PTPRA: variants seen among roughly 807,000 people sequenced by gnomAD.
PTPRA encodes protein tyrosine phosphatase receptor type A.
PTPRA carries 25 observed loss-of-function variants against 104.8 expected under a neutral mutation model. The observed-to-expected ratio is 0.24, with a 90% CI of 0.17 to 0.33. PTPRA has a LOEUF of 0.33. Among genes scored for constraint, PTPRA ranks in the 10% least tolerant of loss-of-function variants. The probability of loss-of-function intolerance (pLI) is 1.00; values close to 1 mark genes in which losing one functional copy is unlikely to be tolerated. For synonymous variants in PTPRA, 323 were observed against 368.9 expected (o/e 0.88, Z 1.43); for missense variants, 765 against 1,015.3 (o/e 0.75, Z 3.35).
intron 1 of PTPRA, among the ~76,000 whole-genome samples, chr20:2,898,975 G>A (rs2059126005): frequency 1.3e-5 from 2 of 152,192 alleles, no homozygotes; most frequent in Admixed American, 6.5e-5. Context: ...AATAAAATAT[G>A]TGCACTACTA....
chr20:2,941,792 G>T (rs560113113), intron 2 of PTPRA, among the ~76,000 whole-genome samples: 1 of 152,178 alleles, frequency 6.6e-6, no homozygotes, highest in African/African-American at 2.4e-5. Flanking sequence ...GGAGTTCCCT[G>T]CCCTCCTTAA....
chr20:3,025,584 G>A (rs1054380044), intron 17 of PTPRA, among the ~76,000 whole-genome samples: 4 of 151,648 alleles, frequency 2.6e-5, no homozygotes, highest in African/African-American at 9.7e-5. Flanking sequence ...CAAGATGTGG[G>A]TTCTGCCAGG....
chr20:2,978,230 G>A (rs1471432617), intron 6 of PTPRA, among the ~76,000 whole-genome samples: 5 of 152,144 alleles, frequency 3.3e-5, no homozygotes, highest in Non-Finnish European at 7.4e-5. Context: ...TATTCCAGAG[G>A]ACTTAGGGGA....
intron 1 of PTPRA, among the ~76,000 whole-genome samples, chr20:2,891,430 G>C (rs1028371651): frequency 1.3e-5 from 2 of 152,070 alleles, no homozygotes; most frequent in Non-Finnish European, 2.9e-5. Flanking sequence ...ATCCTTGGTG[G>C]TGCTGTGCTC....
chr20:3,003,700 AT>A (rs59358849), intron 9 of PTPRA, among the ~76,000 whole-genome samples: 35,065 of 104,918 alleles, frequency 0.33, 5,801 homozygotes, highest in East Asian at 0.64. Flanking sequence ...ATACCTGGCT[AT>A]TTTTTTTTTT....
intron 20 of PTPRA, among the ~76,000 whole-genome samples, chr20:3,028,725 C>G (rs979375251): frequency 4.7e-4 from 71 of 152,130 alleles, no homozygotes; most frequent in Admixed American, 1.3e-4. Context: ...GCTAGCAAGG[C>G]CTGGTGAGAA....
chr20:2,953,918 ATT>A (rs768214041), intron 3 of PTPRA, among the ~76,000 whole-genome samples: 23 of 131,172 alleles, frequency 1.8e-4, no homozygotes, highest in Admixed American at 3.8e-4. Flanking sequence ...TGTTTTTACT[ATT>A]TTTTTTTTTT....
rs546539233 is a variant in PTPRA, at chr20:2,917,209, C to T, written c.-128-5998C>T. Among the ~76,000 whole-genome samples, 22 of 151,996 alleles carry T rather than the reference C, an allele frequency of 1.4e-4. No homozygotes were observed. The South Asian group carries it at 1.9e-3, about 13-fold the overall frequency. On this transcript the variant is annotated intron_variant, in intron 1 of 23. Coordinates refer to ENST00000399903, the MANE Select transcript of PTPRA (RefSeq NM_001385305.1). ...TGACCCCCAAGTGATCCGCCGGCCT[C>T]GGCCTCCCAAAGTGCTGGGATTACA... is the stretch of plus-strand genomic sequence containing the variant.
At chr20:3,033,871 G>A (rs1205668922) in intron 20 of PTPRA, among the ~76,000 whole-genome samples, 2 of 141,524 alleles carry the variant, frequency 1.4e-5, no homozygotes, top group Non-Finnish European at 3.0e-5. Context: ...TTGCACTCCA[G>A]CGTGGGCAAT....
intron 14 of PTPRA, among the ~76,000 whole-genome samples, 185 bp downstream of exon 14, chr20:3,021,613 G>A (rs1186324033): frequency 6.6e-6 from 1 of 152,208 alleles, no homozygotes; most frequent in Admixed American, 6.5e-5. Context: ...TTTCATGACT[G>A]GTGAAAAATT....
chr20:3,022,827 G>C lies in PTPRA; in HGVS notation c.1464+3G>C. ...GCTGCCAGATGGTGCAAACCGATGTGAGTGATCTGTGGGTCAGGTGAGGGT... is the reference window on the plus strand; with the variant it reads ...GCTGCCAGATGGTGCAAACCGATGTCAGTGATCTGTGGGTCAGGTGAGGGT... On this transcript the variant is annotated splice_donor_region_variant and intron_variant, in intron 16 of 23. Transcript: ENST00000399903. The surrounding 1 kb of genome is among the most constrained non-coding windows in gnomAD (Gnocchi z 4.6). The C allele has an allele frequency of 6.2e-7, 1 of 1,614,182 alleles. No homozygotes were observed. The highest frequency in any genetic ancestry group is 8.5e-7 in the Non-Finnish European group (1 of 1,180,028).
intron 2 of PTPRA, among the ~76,000 whole-genome samples, chr20:2,944,530 C>T (rs914077113): frequency 6.6e-6 from 1 of 152,178 alleles, no homozygotes; most frequent in Non-Finnish European, 1.5e-5. Flanking sequence ...AGCCAAATGA[C>T]AGCTGTAAGT....
chr20:2,927,561 T>C (rs2060347097), intron 2 of PTPRA, among the ~76,000 whole-genome samples: 1 of 152,240 alleles, frequency 6.6e-6, no homozygotes, highest in African/African-American at 2.4e-5. Context: ...AGGCTAGTCG[T>C]ACACTCCAAT....
At chr20:3,002,729 C>T (rs2063693458) in intron 9 of PTPRA, among the ~76,000 whole-genome samples, 1 of 152,200 alleles carries the variant, frequency 6.6e-6, no homozygotes, top group African/African-American at 2.4e-5. Flanking sequence ...AGTCCATTTT[C>T]CATACAATAA....
intron 3 of PTPRA, among the ~76,000 whole-genome samples, chr20:2,960,058 G>A (rs1334946898): frequency 6.6e-6 from 1 of 152,136 alleles, no homozygotes; most frequent in Non-Finnish European, 1.5e-5. Flanking sequence ...TACCTTTGTT[G>A]CAATTGATGG....
rs1336532938 is a variant in PTPRA at position 3,037,790 on chromosome 20, C to CT, written c.2335-268dup. Among the ~76,000 whole-genome samples the CT allele has an allele frequency of 6.6e-6, 1 of 152,224 alleles. No individual in the cohort carries two copies. The highest frequency in any genetic ancestry group is 2.4e-5 in the African/African-American group (1 of 41,444). On this transcript the variant is annotated intron_variant, in intron 23 of 23. Transcript: ENST00000399903. The surrounding 1 kb of genome is among the most constrained non-coding windows in gnomAD (Gnocchi z 4.3). The stretch of plus-strand genomic sequence containing the variant: ...TAAGCGTGGGCCATGCTCAGCTGCA[C>CT]TGTCTCCCAGCCCAGCACATGCCTG...
chr20:2,952,465 A>G (rs986217956), intron 3 of PTPRA, among the ~76,000 whole-genome samples: 1 of 152,056 alleles, frequency 6.6e-6, no homozygotes, highest in Non-Finnish European at 1.5e-5. Flanking sequence ...CTGGATACCA[A>G]TCCTTTGTCA....
At position 2,886,973 on chromosome 20, in the gene PTPRA, A is replaced by T. The variant is rs564693203; in HGVS notation, c.-129+13213A>T. Among the ~76,000 whole-genome samples, 12 of 152,324 alleles carry T rather than the reference A, an allele frequency of 7.9e-5. No individual in the cohort carries two copies. The South Asian group carries it at 2.3e-3, about 29-fold the overall frequency. On this transcript the variant is annotated intron_variant, in intron 1 of 23. Coordinates refer to ENST00000399903, the MANE Select transcript of PTPRA (RefSeq NM_001385305.1). ...TATTTGCTAGCCATATTTAAAAGGA[A>T]ATATTTGTATAATGGGGGTGAAAAA...
At chr20:2,969,212 C>CAA (rs372710655) in intron 5 of PTPRA, among the ~76,000 whole-genome samples, 2,193 of 138,734 alleles carry the variant, frequency 0.016, 26 homozygotes, top group Non-Finnish European at 0.025. Context: ...GACTCTATCT[C>CAA]AAAAAAAAAA....
Sources: gnomAD v4.1 joint callset for allele counts (sites outside exome capture counted in the v4.1 genomes callset) on GRCh38, gnomAD v4.1.1 for gene constraint, Gnocchi (gnomAD v3.1) non-coding constraint, MANE v1.5 for transcripts, NCBI Gene and HGNC (gene_info 2026-07-23, HGNC 2026-07-21) for gene names.